The following PPP4R2 variants were observed in gnomAD, a reference collection of about 807,000 sequenced individuals.
PPP4R2 encodes protein phosphatase 4 regulatory subunit 2.
PPP4R2 carries 13 observed loss-of-function variants against 47.2 expected under a neutral mutation model. The observed-to-expected ratio is 0.28, with a 90% CI of 0.18 to 0.44. The LOEUF (loss-of-function observed/expected upper bound fraction) is 0.44, where lower values mean the gene tolerates loss of function less well. Ranked by LOEUF, PPP4R2 falls within the 20% of genes least tolerant of loss-of-function variation. The pLI is 1.00. For missense variants in PPP4R2, 421 were observed against 491.2 expected (o/e 0.86, Z 1.35); for synonymous variants, 151 against 163.3 (o/e 0.92, Z 0.57).
intron 2 of PPP4R2, among the ~76,000 whole-genome samples, chr3:73,028,741 G>A (rs1457476067): frequency 3.9e-5 from 6 of 152,094 alleles, no homozygotes; most frequent in African/African-American, 1.2e-4. Flanking sequence ...ACTGCGCCCG[G>A]CCAAGGTAGA....
rs1348891177 is a variant in PPP4R2, at chr3:73,066,373, T to C, written c.*651T>C. ...CACCTCTTTCAGAAGACATTTTCTTTCTCTTCTGAGTAATTGAAATAAAAT... is the reference window on the plus strand; with the variant it reads ...CACCTCTTTCAGAAGACATTTTCTTCCTCTTCTGAGTAATTGAAATAAAAT... On this transcript the variant is annotated 3_prime_UTR_variant, in exon 9 of 9. Transcript: ENST00000356692. 1.3e-5 allele frequency: 2 copies of C among 151,728 alleles called. No homozygotes were observed. Among genetic ancestry groups the C allele is most frequent in the African/African-American group, 4.8e-5 (2 of 41,364 alleles). The allele number at this position is 151,728 out of a possible 1,614,324, so 9.4% of individuals were successfully genotyped here.
chr3:73,037,147 C>T (rs1214470209), intron 2 of PPP4R2, among the ~76,000 whole-genome samples: 1 of 152,110 alleles, frequency 6.6e-6, no homozygotes, highest in African/African-American at 2.4e-5. Flanking sequence ...ACTTAATACA[C>T]AGACGACTAC....
intron 2 of PPP4R2, among the ~76,000 whole-genome samples, chr3:73,010,945 C>G (rs541322383): frequency 6.6e-6 from 1 of 152,292 alleles, no homozygotes; most frequent in South Asian, 2.1e-4. Flanking sequence ...CAACTACTAT[C>G]TGAAGTAGGT....
intron 2 of PPP4R2, among the ~76,000 whole-genome samples, chr3:73,024,928 C>T (rs9810898): frequency 0.023 from 3,452 of 152,172 alleles, 49 homozygotes; most frequent in Middle Eastern, 0.041. Flanking sequence ...ACTACCAAGC[C>T]AAAGGGTATG....
chr3:73,055,967 A>G (rs1166265984), intron 3 of PPP4R2, among the ~76,000 whole-genome samples: 3 of 151,974 alleles, frequency 2.0e-5, no homozygotes, highest in Admixed American at 6.6e-5. Flanking sequence ...CTTCCCCCCA[A>G]ATTTAAGGAT....
intron 5 of PPP4R2, chr3:73,062,351 A>G (rs1189105115): frequency 1.2e-6 from 2 of 1,607,208 alleles, no homozygotes; most frequent in African/African-American, 1.3e-5. Flanking sequence ...CACTGGATGC[A>G]TTGGAACCCC....
At chr3:73,052,521 A>G (rs1002627656) in intron 3 of PPP4R2, among the ~76,000 whole-genome samples, 2 of 152,228 alleles carry the variant, frequency 1.3e-5, no homozygotes, top group Non-Finnish European at 2.9e-5. Context: ...GACCATGAAT[A>G]TAATTTAGGA....
intron 3 of PPP4R2, among the ~76,000 whole-genome samples, chr3:73,054,510 CAG>C (rs1382608982): frequency 2.0e-5 from 3 of 152,106 alleles, no homozygotes; most frequent in African/African-American, 4.8e-5. Context: ...AAGTTTAACT[CAG>C]TATTTCTGTT....
At chr3:73,017,166 A>G (rs1575848984) in intron 2 of PPP4R2, among the ~76,000 whole-genome samples, 1 of 151,694 alleles carries the variant, frequency 6.6e-6, no homozygotes. Flanking sequence ...GCTATTTACC[A>G]CCTCAGCCTC....
intron 2 of PPP4R2, among the ~76,000 whole-genome samples, chr3:73,029,452 C>A (rs995365949): frequency 6.6e-6 from 1 of 152,098 alleles, no homozygotes; most frequent in Non-Finnish European, 1.5e-5. Context: ...TTTGAAGGTA[C>A]AACCAACAGG....
intron 4 of PPP4R2, among the ~76,000 whole-genome samples, chr3:73,059,721 G>C (rs373021773): frequency 2.0e-5 from 3 of 151,738 alleles, no homozygotes; most frequent in Non-Finnish European, 4.4e-5. Flanking sequence ...GGTGGATCAC[G>C]GTCAGGAGTT....
At chr3:73,043,221 A>T (rs1559560983) in intron 2 of PPP4R2, among the ~76,000 whole-genome samples, 1 of 152,206 alleles carries the variant, frequency 6.6e-6, no homozygotes, top group Non-Finnish European at 1.5e-5. Flanking sequence ...GAGTCTCATA[A>T]AATTTAAAGA....
intron 3 of PPP4R2, among the ~76,000 whole-genome samples, chr3:73,057,998 GTTTGTA>G (rs1702759336): frequency 6.6e-6 from 1 of 152,092 alleles, no homozygotes; most frequent in African/African-American, 2.4e-5. Flanking sequence ...CTGAAGATTT[GTTTGTA>G]TTTGTTAGCT....
intron 2 of PPP4R2, among the ~76,000 whole-genome samples, chr3:73,042,410 G>C (rs1036586984): frequency 7.2e-5 from 10 of 139,512 alleles, no homozygotes; most frequent in Admixed American, 2.3e-4. Flanking sequence ...TGTCACCCAG[G>C]CTGGAGTGCG....
chr3:73,068,013 T>G lies in PPP4R2; in HGVS notation c.*2291T>G, dbSNP rs1703035891. 6.6e-6 allele frequency: 1 copy of G among 152,156 alleles called. No homozygotes were observed. Among genetic ancestry groups the G allele is most frequent in the Non-Finnish European group, 1.5e-5 (1 of 68,014 alleles). The allele number at this position is 152,156 out of a possible 1,614,324, so 9.4% of individuals were successfully genotyped here. On this transcript the variant is annotated 3_prime_UTR_variant, in exon 9 of 9. Transcript: ENST00000356692. ...ATTGTAGAATGCTCATGGAATATCT[T>G]TAGGGTAGGTGGAATACTTCTGTAG...
At chr3:73,062,493 C>T in intron 5 of PPP4R2, 1 of 1,613,460 alleles carries the variant, frequency 6.2e-7, no homozygotes, top group Non-Finnish European at 8.5e-7. Context: ...TGGGTTACAC[C>T]AGGCATTACT....
chr3:73,033,990 A>G (rs918731641), intron 2 of PPP4R2, among the ~76,000 whole-genome samples: 3 of 152,182 alleles, frequency 2.0e-5, no homozygotes, highest in African/African-American at 4.8e-5. Context: ...GTATTCCACA[A>G]TGGCCGCGCC....
chr3:73,058,037 A>G (rs955043464), intron 3 of PPP4R2, among the ~76,000 whole-genome samples: 4 of 152,282 alleles, frequency 2.6e-5, no homozygotes, highest in South Asian at 2.1e-4. Context: ...CCTCGTGCTC[A>G]TAACTTTGCT....
intron 5 of PPP4R2, chr3:73,062,454 A>C: frequency 1.2e-6 from 2 of 1,612,276 alleles, no homozygotes; most frequent in African/African-American, 2.7e-5. Context: ...TGTGACCCCA[A>C]GTTTAGTATT....
Sources: allele counts gnomAD v4.1 joint callset (sites outside exome capture counted in the v4.1 genomes callset), GRCh38; gene constraint gnomAD v4.1.1; transcripts MANE v1.5; gene names NCBI Gene and HGNC (gene_info 2026-07-23, HGNC 2026-07-21).